JHY: variants seen among roughly 807,000 people sequenced by gnomAD.
JHY encodes the protein junctional cadherin complex regulator, also known as jhy protein homolog.
JHY carries 69 observed loss-of-function variants against 78.0 expected under a neutral mutation model. That is an observed-to-expected ratio of 0.88 (90% CI 0.73 to 1.08). The LOEUF (loss-of-function observed/expected upper bound fraction) is 1.08. Ranked by LOEUF, JHY falls within the 50% of genes least tolerant of loss-of-function variation. The pLI is 0.00. For missense variants in JHY, 944 were observed against 927.8 expected, an observed-to-expected ratio of 1.02 and a Z score of -0.23; for synonymous variants, 368 against 342.6, an observed-to-expected ratio of 1.07 and a Z score of -0.82.
intron 3 of JHY, among the ~76,000 whole-genome samples, chr11:122,907,408 G>A (rs1863015256): frequency 6.6e-6 from 1 of 151,932 alleles, no homozygotes; most frequent in African/African-American, 2.4e-5. Flanking sequence ...TAAACATAAG[G>A]GAAATTAAAA....
intron 2 of JHY, among the ~76,000 whole-genome samples, chr11:122,903,541 T>C (rs1358860665): frequency 6.6e-6 from 1 of 152,208 alleles, no homozygotes; most frequent in Non-Finnish European, 1.5e-5. Flanking sequence ...TGCAGTGTCG[T>C]GATTATAGCT....
Position 122,961,071 on chromosome 11 carries a change from G to A in JHY, c.*1626G>A, listed in dbSNP as rs978609263. On this transcript the variant is annotated 3_prime_UTR_variant, in exon 9 of 9. Transcript: ENST00000227349. ...AAAGCTGTTGGCAAAGAAGACTCATGCACAGCCAGTTATGTAAATGTATCT... is the reference window on the plus strand; with the variant it reads ...AAAGCTGTTGGCAAAGAAGACTCATACACAGCCAGTTATGTAAATGTATCT... The A allele has an allele frequency of 3.9e-6, 4 of 1,036,350 alleles. No homozygotes were observed. The highest frequency in any genetic ancestry group is 4.5e-6 in the Non-Finnish European group (3 of 670,082). The allele number at this position is 1,036,350 out of a possible 1,614,324, so 64.2% of individuals were successfully genotyped here.
At chr11:122,942,764 G>A (rs1863899612) in intron 5 of JHY, among the ~76,000 whole-genome samples, 1 of 152,078 alleles carries the variant, frequency 6.6e-6, no homozygotes, top group Non-Finnish European at 1.5e-5. Flanking sequence ...TATTTCTAAG[G>A]CTTTCTCCTT....
At chr11:122,889,521 T>C (rs778943004) in intron 2 of JHY, among the ~76,000 whole-genome samples, 4 of 152,180 alleles carry the variant, frequency 2.6e-5, no homozygotes, top group Admixed American at 6.5e-5. Flanking sequence ...ATTTAAAATA[T>C]ATAGGAGGAC....
In JHY at chr11:122,934,710, T is replaced by C. The variant is rs1476007172; in HGVS notation, c.1269T>C (p.Asp423=). The change falls in exon 5 of 9, where the codon GAT becomes GAC. Residue 423 remains aspartate (D), a synonymous_variant. Transcript: ENST00000227349. ...SIVIMHASNN[D]VQASRALRSH... ...TGATTATGCATGCCTCTAACAATGA[T>C]GTACAAGCCTCAAGGGCACTTAGAA... The C allele has an allele frequency of 1.2e-6, 2 of 1,614,128 alleles. No individual in the cohort carries two copies. The highest frequency in any genetic ancestry group is 2.2e-5 in the East Asian group (1 of 44,870).
chr11:122,941,128 AC>A (rs949281022), intron 5 of JHY, among the ~76,000 whole-genome samples: 77 of 152,218 alleles, frequency 5.1e-4, no homozygotes, highest in African/African-American at 1.8e-3. Flanking sequence ...TCTCCAAAAA[AC>A]CCTAATTCTT....
intron 4 of JHY, among the ~76,000 whole-genome samples, chr11:122,930,965 G>A (rs1863622589): frequency 6.6e-6 from 1 of 152,180 alleles, no homozygotes; most frequent in Non-Finnish European, 1.5e-5. Context: ...GTCTGGTGAG[G>A]ATCTGCTTCC....
At position 122,961,227 on chromosome 11, in the gene JHY, A is replaced by G; in HGVS notation, c.*1782A>G. ...CCTAAAAATGAAACATTTGTTCCCT[A>G]TACTGAGAGAACTCAATCTATTGGC... On this transcript the variant is annotated 3_prime_UTR_variant, in exon 9 of 9. Coordinates refer to ENST00000227349, the MANE Select transcript of JHY (RefSeq NM_024806.4). The G allele has an allele frequency of 4.5e-6, 2 of 442,348 alleles. No homozygotes were observed. The highest frequency in any genetic ancestry group is 8.1e-5 in the East Asian group (2 of 24,604). The allele number at this position is 442,348 out of a possible 1,614,324, so 27.4% of individuals were successfully genotyped here. A position where few individuals can be genotyped will look rare whatever the true frequency, so the allele number is the denominator to read the frequency against.
chr11:122,929,340 A>G (rs983082436), intron 4 of JHY, among the ~76,000 whole-genome samples: 1 of 151,992 alleles, frequency 6.6e-6, no homozygotes, highest in Non-Finnish European at 1.5e-5. Flanking sequence ...GGACCTGGGT[A>G]CAAAATGCAG....
chr11:122,886,006 G>C lies in JHY; in HGVS notation c.157G>C (p.Glu53Gln). 1.9e-6 allele frequency: 3 copies of C among 1,614,182 alleles called. No individual in the cohort carries two copies. The highest frequency in any genetic ancestry group is 2.5e-6 in the Non-Finnish European group (3 of 1,180,038). The change falls in exon 2 of 9, where the codon GAG becomes CAG. Residue 53 changes from glutamate (E) to glutamine (Q), a missense_variant. Coordinates refer to ENST00000227349, the MANE Select transcript of JHY (RefSeq NM_024806.4). Reference protein sequence around the residue: ...LESDSESLTQEIMCHSEFDDR... With the variant: ...LESDSESLTQQIMCHSEFDDR... ...ATCTGATTCAGAAAGCCTCACGCAA[G>C]AGATTATGTGCCATTCTGAGTTTGA...
intron 3 of JHY, among the ~76,000 whole-genome samples, chr11:122,916,631 T>G (rs1863240125): frequency 1.3e-5 from 2 of 152,118 alleles, no homozygotes; most frequent in African/African-American, 4.8e-5. Context: ...TTTTGTTGTT[T>G]GTTTTTTGTT....
rs186548197 is a variant in JHY at position 122,949,051 on chromosome 11, T to C, written c.1929+2259T>C. Among the ~76,000 whole-genome samples the C allele has an allele frequency of 1.9e-3, 289 of 150,210 alleles. 2 individuals carry two copies. Among genetic ancestry groups the C allele is most frequent in the Non-Finnish European group, 3.4e-3 (232 of 67,694 alleles). ...GTGAGCCGAGATTGCGCCACTGCAC[T>C]CCAGCCTGGGGGACAGAGTGAGACT... On this transcript the variant is annotated intron_variant, in intron 6 of 8. Transcript: ENST00000227349.
At chr11:122,952,566 A>G (rs1218875856) in intron 6 of JHY, among the ~76,000 whole-genome samples, 2 of 152,180 alleles carry the variant, frequency 1.3e-5, no homozygotes, top group Admixed American at 1.3e-4. Context: ...CTGTCCCTTC[A>G]TATCGAGGTG....
intron 1 of JHY, among the ~76,000 whole-genome samples, chr11:122,884,995 A>G (rs1231451765): frequency 1.4e-5 from 2 of 144,452 alleles, no homozygotes; most frequent in Non-Finnish European, 1.5e-5. Context: ...TTTTTTGTAG[A>G]GATGGGGTTT....
chr11:122,929,733 T>G (rs1318225692), intron 4 of JHY, among the ~76,000 whole-genome samples: 1 of 152,182 alleles, frequency 6.6e-6, no homozygotes, highest in Non-Finnish European at 1.5e-5. Context: ...TATATGTAGA[T>G]AGATGTATAT....
At chr11:122,915,467 T>C (rs1417025261) in intron 3 of JHY, among the ~76,000 whole-genome samples, 1 of 152,206 alleles carries the variant, frequency 6.6e-6, no homozygotes, top group African/African-American at 2.4e-5. Flanking sequence ...GAGGCAATCA[T>C]GGAACTCATT....
intron 5 of JHY, among the ~76,000 whole-genome samples, chr11:122,938,330 T>C (rs1346337174): frequency 6.6e-6 from 1 of 152,180 alleles, no homozygotes; most frequent in Non-Finnish European, 1.5e-5. Context: ...TTTGTTCTAC[T>C]GTCTGGGAGG....
rs921349257 is a variant in JHY, at chr11:122,959,648, A to T, written c.*203A>T. On this transcript the variant is annotated 3_prime_UTR_variant, in exon 9 of 9. Transcript: ENST00000227349. The stretch of plus-strand genomic sequence containing the variant: ...TTACTTTCTAGGAAGAAAATTTTTT[A>T]AATTATTTATTTTCAAATCAGTTAG... 1 of 541,862 alleles carries T rather than the reference A, an allele frequency of 1.8e-6. No homozygotes were observed. The highest frequency in any genetic ancestry group is 3.2e-6 in the Non-Finnish European group (1 of 311,054). 33.6% of individuals were successfully genotyped at this position (541,862 alleles called of 1,614,324 possible).
rs148417854 is a variant in JHY, at chr11:122,940,851, ATCTC to A, written c.1635-5632_1635-5629del. Among the ~76,000 whole-genome samples, 16 of 139,142 alleles carry A rather than the reference ATCTC, an allele frequency of 1.1e-4. No individual in the cohort carries two copies. The East Asian group carries it at 2.1e-3, about 19-fold the overall frequency. The allele number at this position is 139,142 out of a possible 152,430, so 91.3% of individuals were successfully genotyped here. The stretch of plus-strand genomic sequence containing the variant: ...TCCTTCCTTCCTTCCTTCCTTCTTT[ATCTC>A]TCTCTCTCTCTCTCCCTCTCTCTCT... On this transcript the variant is annotated intron_variant, in intron 5 of 8. Transcript: ENST00000227349.
Sources: gnomAD v4.1 joint callset for allele counts (sites outside exome capture counted in the v4.1 genomes callset) on GRCh38, gnomAD v4.1.1 for gene constraint, MANE v1.5 for transcripts, NCBI Gene and HGNC (gene_info 2026-07-23, HGNC 2026-07-21) for gene names.